The following BTBD17 variants were observed in gnomAD, a reference collection of about 807,000 sequenced individuals.
BTBD17 encodes the protein BTB domain containing 17, also known as BTB/POZ domain-containing protein 17.
Under a neutral mutation model 36.9 loss-of-function variants are expected in BTBD17, and 26 were observed. That is an observed-to-expected ratio of 0.70 (90% confidence interval 0.52 to 0.98). The LOEUF (loss-of-function observed/expected upper bound fraction) is 0.98. BTBD17 is among the 50% of genes least tolerant of loss of function. The pLI, the probability that BTBD17 is intolerant of heterozygous loss-of-function variation, is 0.00. For missense variants in BTBD17, 630 were observed against 691.3 expected, an observed-to-expected ratio of 0.91 and a Z score of 0.99; for synonymous variants, 341 against 338.0, an observed-to-expected ratio of 1.01 and a Z score of -0.10.
Position 74,357,406 on chromosome 17 carries a change from G to T in BTBD17, c.688C>A (p.Leu230Met). The change falls in exon 3 of 3, where the codon CTG becomes ATG. Residue 230 changes from leucine to methionine, a missense_variant. Leu to Met is a conservative substitution (Grantham distance 15, BLOSUM62 2). Coordinates refer to ENST00000375366, the MANE Select transcript of BTBD17 (RefSeq NM_001080466.2). This position sits in a 1 kb window ranked among gnomAD's most constrained non-coding sequence, Gnocchi z 8.4. ...AGCCAGGCCTCCAGCGCGTGGAACA[G>T]CTCCAGTTCATCCTGCAGCACCAGG... ...SDLVLQDELE[L>M]FHALEAWLGR... The T allele has an allele frequency of 6.3e-7, 1 of 1,580,300 alleles. No homozygotes were observed. The highest frequency in any genetic ancestry group is 8.5e-7 in the Non-Finnish European group (1 of 1,171,686).
chr17:74,363,290 G>A (rs1038617545), upstream of BTBD17, among the ~76,000 whole-genome samples: 4 of 152,126 alleles, frequency 2.6e-5, no homozygotes, highest in African/African-American at 4.8e-5. Context: ...TGCCTCGTCC[G>A]GGTTGGCAGA....
In BTBD17 at chr17:74,359,970, T is replaced by C. The variant is rs376002016; in HGVS notation, c.361A>G (p.Arg121Gly). Residue 121 changes from arginine (R) to glycine (G), a missense_variant and splice_region_variant, in exon 2 of 3, where the codon AGG (arginine) becomes GGG (glycine). Arg to Gly is a moderately radical substitution (Grantham distance 125, BLOSUM62 -2). Transcript: ENST00000375366. ...TCCCCTAGTCTTCCGCGTCCCCACC[T>C]GATGAACTTGTCGAAGACAGCGGCG... is the stretch of plus-strand genomic sequence containing the variant. ...DCAAVFDKFI[R>G]YLYCGELTVL... 3.1e-6 allele frequency: 5 copies of C among 1,606,650 alleles called. No homozygotes were observed. The African/African-American group carries it at 5.3e-5, about 17-fold the overall frequency.
At chr17:74,359,075 A>G (rs1256056201) in intron 2 of BTBD17, among the ~76,000 whole-genome samples, 1 of 152,130 alleles carries the variant, frequency 6.6e-6, no homozygotes, top group Non-Finnish European at 1.5e-5. Context: ...TTACTTTCTT[A>G]GACACTAGTG....
chr17:74,363,252 A>C (rs1393510971), upstream of BTBD17, among the ~76,000 whole-genome samples: 2 of 152,228 alleles, frequency 1.3e-5, no homozygotes, highest in Non-Finnish European at 2.9e-5. Context: ...CTGGAGCCGC[A>C]GAGAGAGCAA....
At chr17:74,363,315 G>A (rs2054952572), upstream of BTBD17, among the ~76,000 whole-genome samples, 1 of 152,116 alleles carries the variant, frequency 6.6e-6, no homozygotes, top group African/African-American at 2.4e-5. Context: ...GAGCTCTCCA[G>A]CCCAGCGGAA....
At position 74,356,630 on chromosome 17, in the gene BTBD17, C is replaced by T; in HGVS notation, c.*27G>A. ...CCCAGACCCACAGGGACCACCTAGGCCAGGCCTTTATTCCCAGACCCCGAG... is the reference window on the plus strand; with the variant it reads ...CCCAGACCCACAGGGACCACCTAGGTCAGGCCTTTATTCCCAGACCCCGAG... On this transcript the variant is annotated 3_prime_UTR_variant, in exon 3 of 3. Transcript: ENST00000375366. This position sits in a 1 kb window ranked among gnomAD's most constrained non-coding sequence, Gnocchi z 4.3. 2 of 1,470,954 alleles carry T rather than the reference C, an allele frequency of 1.4e-6. No homozygotes were observed. Among genetic ancestry groups the T allele is most frequent in the South Asian group, 2.9e-5 (2 of 69,002 alleles). 91.1% of individuals were successfully genotyped at this position (1,470,954 alleles called of 1,614,324 possible). A position where few individuals can be genotyped will look rare whatever the true frequency, so the allele number is the denominator to read the frequency against.
chr17:74,361,926 C>CT (rs2054943114), upstream of BTBD17: 1 of 891,196 alleles, frequency 1.1e-6, no homozygotes, highest in Admixed American at 2.6e-5. Context: ...CGGCACCCCC[C>CT]TTCCTGCTTG....
rs1336728460 is a variant in BTBD17 at position 74,356,748 on chromosome 17, C to G, written c.1346G>C (p.Arg449Pro). The change falls in exon 3 of 3, where the codon CGG becomes CCG. Residue 449 changes from arginine to proline, a missense_variant. Arg to Pro is a moderately radical substitution (Grantham distance 103). Coordinates refer to ENST00000375366, the MANE Select transcript of BTBD17 (RefSeq NM_001080466.2). The surrounding 1 kb of genome is among the most constrained non-coding windows in gnomAD (Gnocchi z 4.3). The part of the protein sequence containing the change: ...GDFLAHADLQ[R>P]RNSEYLVENA... Reference sequence around the variant, plus strand: ...CTCAACCAGGTACTCGGAGTTGCGCCGCTGCAGGTCGGCGTGCGCCAGGAA... The same window carrying G: ...CTCAACCAGGTACTCGGAGTTGCGCGGCTGCAGGTCGGCGTGCGCCAGGAA... 1 of 1,601,078 alleles carries G rather than the reference C, an allele frequency of 6.2e-7. No individual in the cohort carries two copies. The highest frequency in any genetic ancestry group is 8.5e-7 in the Non-Finnish European group (1 of 1,174,744).
chr17:74,356,948 G>A lies in BTBD17; in HGVS notation c.1146C>T (p.Pro382=). Residue 382 remains proline, a synonymous_variant, in exon 3 of 3, where the codon CCC becomes CCT. Transcript: ENST00000375366. This position sits in a 1 kb window ranked among gnomAD's most constrained non-coding sequence, Gnocchi z 4.3. ...GTCGGCCGTCCTCCGGGCGCGCGGC[G>A]GGCAGAGCAGTGCCCGCGGCGTCCG... The part of the protein sequence containing the change: ...VYADAAGTAL[P]AARPEDGRPR... The A allele has an allele frequency of 7.1e-7, 1 of 1,417,152 alleles. No homozygotes were observed. The highest frequency in any genetic ancestry group is 9.1e-7 in the Non-Finnish European group (1 of 1,098,244). The allele number at this position is 1,417,152 out of a possible 1,614,324, so 87.8% of individuals were successfully genotyped here.
rs549364884 is a variant in BTBD17, at chr17:74,359,966, C to T, written c.362+3G>A. The T allele has an allele frequency of 3.7e-6, 6 of 1,604,642 alleles. No individual in the cohort carries two copies. The highest frequency in any genetic ancestry group is 2.2e-5 in the East Asian group (1 of 44,638). On this transcript the variant is annotated splice_donor_region_variant and intron_variant, in intron 2 of 2. Coordinates refer to ENST00000375366, the MANE Select transcript of BTBD17 (RefSeq NM_001080466.2). ...GCCATCCCCTAGTCTTCCGCGTCCC[C>T]ACCTGATGAACTTGTCGAAGACAGC...
At chr17:74,359,839 G>T in intron 2 of BTBD17, 130 bp downstream of exon 2, 1 of 896,462 alleles carries the variant, frequency 1.1e-6, no homozygotes, top group South Asian at 1.7e-5. Context: ...AGGGGTCACT[G>T]TCATCCCAGT....
In BTBD17 at chr17:74,356,860, T is replaced by G; in HGVS notation, c.1234A>C (p.Thr412Pro). ...GDAAGVSFQK[T>P]VLVGARQQGR... ...TGCTGGCGCGCCCCCACCAGCACCG[T>G]CTTCTGGAAGCTCACGCCCGCCGCG... is the stretch of plus-strand genomic sequence containing the variant. Residue 412 changes from threonine to proline, a missense_variant, in exon 3 of 3, where the codon ACG becomes CCG. Physicochemically the swap from Thr to Pro is conservative, Grantham distance 38 (BLOSUM62 -1). Transcript: ENST00000375366. The surrounding 1 kb of genome is among the most constrained non-coding windows in gnomAD (Gnocchi z 4.3). 2 of 1,535,812 alleles carry G rather than the reference T, an allele frequency of 1.3e-6. No individual in the cohort carries two copies. The highest frequency in any genetic ancestry group is 1.7e-6 in the Non-Finnish European group (2 of 1,151,002).
At chr17:74,358,607 AT>A (rs1206885725) in intron 2 of BTBD17, among the ~76,000 whole-genome samples, 1 of 144,090 alleles carries the variant, frequency 6.9e-6, no homozygotes, top group East Asian at 2.1e-4. Context: ...GTGAGCCCCC[AT>A]TTCTTTTTTG....
intron 2 of BTBD17, among the ~76,000 whole-genome samples, chr17:74,358,781 C>G (rs142339062): frequency 1.2e-3 from 179 of 152,256 alleles, no homozygotes; most frequent in Non-Finnish European, 2.1e-3. Context: ...CCACTGCCAG[C>G]CATCTTCCCC....
At position 74,357,517 on chromosome 17, in the gene BTBD17, CCAGGAACTG is replaced by C; in HGVS notation, c.568_576del (p.Gln190_Leu192del). On this transcript the variant is annotated inframe_deletion, in exon 3 of 3. Coordinates refer to ENST00000375366, the MANE Select transcript of BTBD17 (RefSeq NM_001080466.2). This position sits in a 1 kb window ranked among gnomAD's most constrained non-coding sequence, Gnocchi z 8.4. ...GCCGCCACGGCCGACAGGTTCCAGG[CCAGGAACTG>C]CAGGCAGCTCTCGCGCAGGGCCTCG... 2 of 1,563,406 alleles carry C rather than the reference CCAGGAACTG, an allele frequency of 1.3e-6. No individual in the cohort carries two copies. The highest frequency in any genetic ancestry group is 1.7e-6 in the Non-Finnish European group (2 of 1,162,058).
At position 74,357,457 on chromosome 17, in the gene BTBD17, G is replaced by C; in HGVS notation, c.637C>G (p.Leu213Val). Residue 213 changes from leucine (L) to valine (V), a missense_variant, in exon 3 of 3, where the codon CTC becomes GTC. By Grantham distance (32) the Leu-to-Val change is conservative (BLOSUM62 1). Coordinates refer to ENST00000375366, the MANE Select transcript of BTBD17 (RefSeq NM_001080466.2). This position sits in a 1 kb window ranked among gnomAD's most constrained non-coding sequence, Gnocchi z 8.4. ...TCCGAGCGTTGCAGGAGCTGCCAGA[G>C]CAGCTCGGGGCTCACGGCGCCCCAC... Reference protein sequence around the residue: ...TEWGAVSPELLWQLLQRSDLV... With the variant: ...TEWGAVSPELVWQLLQRSDLV... The C allele has an allele frequency of 6.3e-7, 1 of 1,579,528 alleles. No individual in the cohort carries two copies.
intron 1 of BTBD17, 118 bp downstream of exon 1, chr17:74,361,617 C>T: frequency 1.3e-6 from 1 of 757,944 alleles, no homozygotes; most frequent in Non-Finnish European, 2.1e-6. Context: ...GCTGTCCGGT[C>T]CACCCCGTGC....
intron 1 of BTBD17, 23 bp from the exon 2 acceptor site, chr17:74,360,268 A>C: frequency 1.9e-6 from 3 of 1,583,322 alleles, no homozygotes; most frequent in Non-Finnish European, 2.6e-6. Context: ...GGAACACAGC[A>C]TAGCCTGAGA....
At chr17:74,358,905 G>A (rs185465268) in intron 2 of BTBD17, among the ~76,000 whole-genome samples, 13 of 152,320 alleles carry the variant, frequency 8.5e-5, no homozygotes, top group East Asian at 7.7e-4. Context: ...GTCAATGGGC[G>A]CAGTTTGGGA....
Sources: gnomAD v4.1 joint callset for allele counts (sites outside exome capture counted in the v4.1 genomes callset) on GRCh38, gnomAD v4.1.1 for gene constraint, Gnocchi (gnomAD v3.1) non-coding constraint, MANE v1.5 for transcripts, NCBI Gene and HGNC (gene_info 2026-07-23, HGNC 2026-07-21) for gene names.